The following CDH12 variants were observed in gnomAD, a reference collection of about 807,000 sequenced individuals.
The protein encoded by CDH12 is cadherin 12.
In CDH12, 41 loss-of-function variants were observed where a neutral mutation model predicts 74.1. The observed-to-expected ratio is 0.55, with a 90% CI of 0.43 to 0.72. CDH12 has a LOEUF of 0.72. Among genes scored for constraint, CDH12 ranks in the 30% least tolerant of loss-of-function variants. CDH12 has a pLI of 0.00. For synonymous variants in CDH12, 399 were observed against 355.0 expected, an observed-to-expected ratio of 1.12 and a Z score of -1.39; for missense variants, 945 against 977.2, an observed-to-expected ratio of 0.97 and a Z score of 0.44.
intron 2 of CDH12, among the ~76,000 whole-genome samples, chr5:22,480,608 G>A (rs994913797): frequency 6.6e-6 from 1 of 150,864 alleles, no homozygotes; most frequent in Admixed American, 6.6e-5. Context: ...AATACACCTT[G>A]CATTCAATTT....
chr5:22,058,558 C>G (rs945740136), intron 5 of CDH12, among the ~76,000 whole-genome samples: 2 of 150,704 alleles, frequency 1.3e-5, no homozygotes, highest in Non-Finnish European at 3.0e-5. Context: ...TATAGATTAC[C>G]GCGGGTTTTT....
At chr5:22,314,392 G>A (rs1185857269) in intron 3 of CDH12, among the ~76,000 whole-genome samples, 5 of 152,140 alleles carry the variant, frequency 3.3e-5, no homozygotes, top group Non-Finnish European at 7.3e-5. Context: ...TCCAGTATGG[G>A]TGATGTCCTT....
intron 3 of CDH12, among the ~76,000 whole-genome samples, chr5:22,245,006 G>A (rs989655519): frequency 2.0e-4 from 31 of 152,224 alleles, no homozygotes; most frequent in African/African-American, 6.3e-4. Flanking sequence ...AGCAGGGCCC[G>A]CTGATATGGT....
intron 1 of CDH12, among the ~76,000 whole-genome samples, chr5:22,697,284 A>C (rs1290283969): frequency 6.6e-6 from 1 of 152,118 alleles, no homozygotes; most frequent in Non-Finnish European, 1.5e-5. Context: ...ATAAAAGAAA[A>C]CAGCCAGCCG....
intron 1 of CDH12, among the ~76,000 whole-genome samples, chr5:22,684,776 C>T (rs1004571242): frequency 6.6e-6 from 1 of 152,190 alleles, no homozygotes; most frequent in African/African-American, 2.4e-5. Flanking sequence ...ACATCTCTCA[C>T]ACACACACTT....
rs185593808 is a variant in CDH12 at position 21,889,705 on chromosome 5, T to C, written c.527-34915A>G. On this transcript the variant is annotated intron_variant, in intron 6 of 14. Transcript: ENST00000382254. Reference sequence around the variant, plus strand: ...GAAAGTATTCTCCAGTTCTTCTGCATTCTAGACATCTCAAAACAATATATG... The same window carrying C: ...GAAAGTATTCTCCAGTTCTTCTGCACTCTAGACATCTCAAAACAATATATG... 388 of 985,192 alleles carry C rather than the reference T, an allele frequency of 3.9e-4. 1 individual carries two copies. In the African/African-American group the frequency reaches 6.1e-3, roughly 15 times the overall value. The allele number at this position is 985,192 out of a possible 1,614,324, so 61.0% of individuals were successfully genotyped here. A position where few individuals can be genotyped will look rare whatever the true frequency, so the allele number is the denominator to read the frequency against.
chr5:22,673,824 G>A (rs574419790), intron 1 of CDH12, among the ~76,000 whole-genome samples: 9 of 152,234 alleles, frequency 5.9e-5, no homozygotes, highest in Non-Finnish European at 7.4e-5. Flanking sequence ...TTACATTCTA[G>A]TGAAACTGAT....
intron 3 of CDH12, among the ~76,000 whole-genome samples, chr5:22,314,430 G>A (rs1444119): frequency 0.42 from 63,201 of 151,948 alleles, 13,839 homozygotes; most frequent in Admixed American, 0.52. Flanking sequence ...CATTCGGGTT[G>A]CACGCACACA....
chr5:22,270,111 G>C (rs1736322230), intron 3 of CDH12, among the ~76,000 whole-genome samples: 1 of 152,040 alleles, frequency 6.6e-6, no homozygotes, highest in South Asian at 2.1e-4. Context: ...ATGGAGTTCT[G>C]CTTATTGTTA....
intron 12 of CDH12, among the ~76,000 whole-genome samples, 180 bp from the exon 13 acceptor site, chr5:21,760,855 A>G (rs573642143): frequency 2.6e-5 from 4 of 152,300 alleles, no homozygotes; most frequent in East Asian, 1.9e-4. Context: ...TTTACAGGGA[A>G]TAACGACAGG....
chr5:22,612,233 C>G (rs963870066), intron 1 of CDH12, among the ~76,000 whole-genome samples: 13 of 152,018 alleles, frequency 8.6e-5, no homozygotes, highest in Admixed American at 4.6e-4. Flanking sequence ...CATTAGTTTT[C>G]TTCAAAAAAT....
chr5:22,605,034 T>C (rs1501749), intron 1 of CDH12, among the ~76,000 whole-genome samples: 22,401 of 151,642 alleles, frequency 0.15, 2,146 homozygotes, highest in Admixed American at 0.33. Context: ...ACATTGTTTT[T>C]GGATGAGATT....
chr5:22,756,528 T>C (rs1274663434), intron 1 of CDH12, among the ~76,000 whole-genome samples: 1 of 152,204 alleles, frequency 6.6e-6, no homozygotes, highest in Non-Finnish European at 1.5e-5. Context: ...ACTTATTTTG[T>C]TATCCAAATC....
intron 6 of CDH12, among the ~76,000 whole-genome samples, chr5:21,949,343 G>A (rs1409580919): frequency 1.3e-5 from 2 of 151,514 alleles, no homozygotes; most frequent in African/African-American, 2.4e-5. Flanking sequence ...CCAGCTATTC[G>A]GGAGGCTGAG....
intron 6 of CDH12, among the ~76,000 whole-genome samples, chr5:21,895,384 A>C (rs1561281456): frequency 6.6e-6 from 1 of 152,228 alleles, no homozygotes; most frequent in East Asian, 1.9e-4. Context: ...CGGCCCTGGC[A>C]CTGAGTAGAG....
At chr5:22,776,584 G>T (rs926655142) in intron 1 of CDH12, among the ~76,000 whole-genome samples, 1 of 152,102 alleles carries the variant, frequency 6.6e-6, no homozygotes, top group Admixed American at 6.6e-5. Flanking sequence ...TTTTCAGAAA[G>T]AAGTTTATTC....
intron 2 of CDH12, among the ~76,000 whole-genome samples, chr5:22,493,437 GAATC>G (rs1746969936): frequency 6.6e-6 from 1 of 152,148 alleles, no homozygotes; most frequent in Admixed American, 6.5e-5. Context: ...ATAAATGAAT[GAATC>G]GTTAGAAAAA....
At chr5:22,152,029 C>G (rs1235509610) in intron 4 of CDH12, 1 of 152,106 alleles carries the variant, frequency 6.6e-6, no homozygotes. Flanking sequence ...CTCCAAGCTG[C>G]TATTTCATGA....
intron 4 of CDH12, among the ~76,000 whole-genome samples, chr5:22,081,944 C>A (rs1035389714): frequency 5.9e-5 from 9 of 152,126 alleles, no homozygotes; most frequent in African/African-American, 2.2e-4. Context: ...ATTTAACATG[C>A]AAAGTGCAGT....
Sources: gnomAD v4.1 joint callset for allele counts (sites outside exome capture counted in the v4.1 genomes callset) on GRCh38, gnomAD v4.1.1 for gene constraint, MANE v1.5 for transcripts, NCBI Gene and HGNC (gene_info 2026-07-23, HGNC 2026-07-21) for gene names.